DZIP1: variants seen among roughly 807,000 people sequenced by gnomAD.
DZIP1 encodes DAZ interacting zinc finger protein 1.
Under a neutral mutation model 107.6 loss-of-function variants are expected in DZIP1, and 97 were observed. The ratio of observed to expected loss-of-function variants is 0.90; its 90% CI spans 0.77 to 1.07. The LOEUF is 1.07. DZIP1 is among the 50% of genes least tolerant of loss of function. The pLI, the probability that DZIP1 is intolerant of heterozygous loss-of-function variation, is 0.00. For synonymous variants in DZIP1, 390 were observed against 386.4 expected (o/e 1.01, Z -0.11); for missense variants, 1,035 against 1,063.6 (o/e 0.97, Z 0.37).
In DZIP1 at chr13:95,581,818, T is replaced by A. The variant is rs1408472734; in HGVS notation, c.*416A>T. On this transcript the variant is annotated 3_prime_UTR_variant, in exon 23 of 23. Transcript: ENST00000376829. ...AGACTACTAACAGAATTTTATAATA[T>A]AAACGCCTACGATACGACAGCATAC... 1.3e-5 allele frequency: 2 copies of A among 153,180 alleles called. No homozygotes were observed. Among genetic ancestry groups the A allele is most frequent in the Non-Finnish European group, 2.9e-5 (2 of 68,766 alleles). The allele number at this position is 153,180 out of a possible 1,614,324, so 9.5% of individuals were successfully genotyped here.
chr13:95,618,796 AG>A (rs1175826184), intron 10 of DZIP1, among the ~76,000 whole-genome samples: 15 of 152,206 alleles, frequency 9.9e-5, no homozygotes, highest in African/African-American at 3.6e-4. Context: ...AATGTGCAAA[AG>A]AGGAAACATT....
rs1276566905 is a variant in DZIP1, at chr13:95,606,072, A to G, written c.1421-13T>C. ...GCTGGGGCATTCACTGAAACAGCAT[A>G]AAAAGGAAAAACTCAGAGGTTCCAT... On this transcript the variant is annotated splice_polypyrimidine_tract_variant and intron_variant, in intron 13 of 22. Coordinates refer to ENST00000376829, the MANE Select transcript of DZIP1 (RefSeq NM_198968.4). The G allele has an allele frequency of 6.2e-7, 1 of 1,612,696 alleles. No individual in the cohort carries two copies. The highest frequency in any genetic ancestry group is 1.1e-5 in the South Asian group (1 of 90,604).
chr13:95,608,448 T>G (rs1478409490), intron 13 of DZIP1, among the ~76,000 whole-genome samples: 2 of 62,258 alleles, frequency 3.2e-5, no homozygotes, highest in East Asian at 4.9e-4. Context: ...TAGACTTGGG[T>G]TTTTTTTTTT....
chr13:95,639,604 A>AG (rs1382492617), intron 5 of DZIP1, among the ~76,000 whole-genome samples: 27 of 151,524 alleles, frequency 1.8e-4, no homozygotes, highest in African/African-American at 6.3e-4. Context: ...AAAAAAAAAA[A>AG]AAAGAGAGAG....
At chr13:95,615,383 T>C (rs935025454) in intron 10 of DZIP1, among the ~76,000 whole-genome samples, 2 of 152,174 alleles carry the variant, frequency 1.3e-5, no homozygotes, top group African/African-American at 4.8e-5. Context: ...TAAATACCAA[T>C]GCTAGAAAGA....
chr13:95,586,118 G>C lies in DZIP1; in HGVS notation c.2237C>G (p.Pro746Arg), dbSNP rs1054916240. The C allele has an allele frequency of 6.2e-7, 1 of 1,609,554 alleles. No homozygotes were observed. The highest frequency in any genetic ancestry group is 8.5e-7 in the Non-Finnish European group (1 of 1,178,534). ...AAACATCTTTTCAACTTTTTCAGTA[G>C]GTGTTTTAACGGCGACTCCTATAAG... ...PKPAGVAVKTPTEKVEKMFPH... is the reference protein window; with the variant it reads ...PKPAGVAVKTRTEKVEKMFPH... The change falls in exon 21 of 23, where the codon CCT (proline) becomes CGT (arginine). Residue 746 changes from proline to arginine, a missense_variant. Coordinates refer to ENST00000376829, the MANE Select transcript of DZIP1 (RefSeq NM_198968.4).
intron 20 of DZIP1, among the ~76,000 whole-genome samples, chr13:95,586,339 G>A (rs889656908): frequency 2.0e-5 from 3 of 152,064 alleles, no homozygotes; most frequent in Non-Finnish European, 4.4e-5. Context: ...TTCAGACTAT[G>A]AGCTATATAA....
intron 13 of DZIP1, among the ~76,000 whole-genome samples, chr13:95,607,457 C>T (rs987118619): frequency 7.9e-5 from 12 of 152,184 alleles, no homozygotes; most frequent in Non-Finnish European, 4.4e-5. Flanking sequence ...TGCCTTTGTA[C>T]CCATTTGCAA....
At chr13:95,605,243 G>C (rs1263542715) in intron 14 of DZIP1, among the ~76,000 whole-genome samples, 1 of 152,140 alleles carries the variant, frequency 6.6e-6, no homozygotes, top group Non-Finnish European at 1.5e-5. Context: ...AAAAATGAAA[G>C]AGTGAAATAA....
chr13:95,641,679 C>T lies in DZIP1; in HGVS notation c.213G>A (p.Arg71=), dbSNP rs1314849037. Residue 71 remains arginine, a synonymous_variant, in exon 5 of 23, where the codon CGG becomes CGA. Transcript: ENST00000376829. This position sits in a 1 kb window ranked among gnomAD's most constrained non-coding sequence, Gnocchi z 4.3. The part of the protein sequence containing the change: ...RPRLESVDWR[R]LSAIDVDKVA... Reference sequence around the variant, plus strand: ...CCTTGTCCACGTCGATGGCGCTCAGCCGCCGCCAGTCCACACTCTCCAGCC... The same window carrying T: ...CCTTGTCCACGTCGATGGCGCTCAGTCGCCGCCAGTCCACACTCTCCAGCC... 3.1e-6 allele frequency: 5 copies of T among 1,605,096 alleles called. No homozygotes were observed. The highest frequency in any genetic ancestry group is 4.2e-6 in the Non-Finnish European group (5 of 1,179,870).
chr13:95,625,532 T>C (rs1323250791), intron 7 of DZIP1, among the ~76,000 whole-genome samples: 1 of 152,226 alleles, frequency 6.6e-6, no homozygotes. Flanking sequence ...GAAGACCTTT[T>C]TTTAAGTCCA....
In DZIP1 at chr13:95,589,458, C is replaced by T. The variant is rs369666285; in HGVS notation, c.1974-251G>A. On this transcript the variant is annotated intron_variant, in intron 18 of 22. Coordinates refer to ENST00000376829, the MANE Select transcript of DZIP1 (RefSeq NM_198968.4). ...ATACATATGCTAAAGACCTGACCCA[C>T]AGTATGATGGCATCTGGGGGGCCTT... Among the ~76,000 whole-genome samples the T allele has an allele frequency of 7.9e-5, 12 of 152,286 alleles. No homozygotes were observed. The South Asian group carries it at 8.3e-4, about 11-fold the overall frequency.
chr13:95,630,594 G>T, intron 6 of DZIP1: 3 of 578,490 alleles, frequency 5.2e-6, no homozygotes, highest in Admixed American at 4.6e-5. Context: ...AGAGGACTTG[G>T]GGGGCATTCA....
At chr13:95,626,622 AT>A (rs1213029297) in intron 7 of DZIP1, among the ~76,000 whole-genome samples, 5 of 152,240 alleles carry the variant, frequency 3.3e-5, no homozygotes, top group Non-Finnish European at 5.9e-5. Context: ...TTTTAAAAAA[AT>A]AACATAGAAT....
chr13:95,599,330 T>A (rs1247266309), intron 15 of DZIP1, 35 bp downstream of exon 15: 6 of 1,582,052 alleles, frequency 3.8e-6, no homozygotes, highest in Non-Finnish European at 5.2e-6. Context: ...ATAAATATAA[T>A]CTGTGCAGGT....
rs778773588 is a variant in DZIP1 at position 95,641,760 on chromosome 13, G to T, written c.132C>A (p.Ala44=). The T allele has an allele frequency of 8.0e-5, 125 of 1,567,516 alleles. No individual in the cohort carries two copies. The highest frequency in any genetic ancestry group is 1.0e-4 in the Non-Finnish European group (121 of 1,167,240). Residue 44 remains alanine, a synonymous_variant, in exon 5 of 23, where the codon GCC becomes GCA. Transcript: ENST00000376829. The surrounding 1 kb of genome is among the most constrained non-coding windows in gnomAD (Gnocchi z 4.3). ...CCGAAGCCGCGCTGGGGGGCGCACA[G>T]GCCATGGAGGCCGCACCCGCGGCGG... The part of the protein sequence containing the change: ...AAAAAGAASM[A]CAPPSAASGP...
At position 95,641,327 on chromosome 13, in the gene DZIP1, G is replaced by A. The variant is rs947310134; in HGVS notation, c.565C>T (p.Leu189=). 6.2e-7 allele frequency: 1 copy of A among 1,602,338 alleles called. No homozygotes were observed. The highest frequency in any genetic ancestry group is 2.2e-5 in the East Asian group (1 of 44,500). The part of the protein sequence containing the change: ...RRKKMISTQQ[L]MIEAKANYYQ... ...TAGTTGGCTTTGGCCTCGATCATCAGCTGCTGGGTGGAGATCATCTTCTTC... is the reference window on the plus strand; with the variant it reads ...TAGTTGGCTTTGGCCTCGATCATCAACTGCTGGGTGGAGATCATCTTCTTC... Residue 189 remains leucine (L), a synonymous_variant, in exon 5 of 23, where the codon CTG becomes TTG. Coordinates refer to ENST00000376829, the MANE Select transcript of DZIP1 (RefSeq NM_198968.4). The surrounding 1 kb of genome is among the most constrained non-coding windows in gnomAD (Gnocchi z 4.3).
intron 22 of DZIP1, among the ~76,000 whole-genome samples, chr13:95,583,262 TAAAA>T (rs11295025): frequency 7.0e-6 from 1 of 142,334 alleles, no homozygotes; most frequent in African/African-American, 2.6e-5. Flanking sequence ...CCCCATCTCT[TAAAA>T]AAAAAAAAAA....
At chr13:95,622,207 G>C (rs766755315) in intron 9 of DZIP1, 136 bp downstream of exon 9, 6 of 1,084,258 alleles carry the variant, frequency 5.5e-6, no homozygotes, top group Non-Finnish European at 7.9e-6. Flanking sequence ...GCATGCTGTA[G>C]GAGAAAAATA....
Sources: gnomAD v4.1 joint callset for allele counts (sites outside exome capture counted in the v4.1 genomes callset) on GRCh38, gnomAD v4.1.1 for gene constraint, Gnocchi (gnomAD v3.1) non-coding constraint, MANE v1.5 for transcripts, NCBI Gene and HGNC (gene_info 2026-07-23, HGNC 2026-07-21) for gene names.